The following ZNF600 variants were observed in gnomAD, a reference collection of about 807,000 sequenced individuals.
ZNF600 encodes the protein zinc finger protein 600.
Under a neutral mutation model 7.3 loss-of-function variants are expected in ZNF600, and 4 were observed. That is an observed-to-expected ratio of 0.55 (90% CI 0.27 to 1.25). The LOEUF (loss-of-function observed/expected upper bound fraction) is 1.25. Ranked by LOEUF, ZNF600 falls within the 50% of genes most tolerant of loss-of-function variation. The pLI is 0.12. For missense variants in ZNF600, 911 were observed against 922.1 expected (o/e 0.99, Z 0.16); for synonymous variants, 290 against 308.9 (o/e 0.94, Z 0.64).
exon 1 of ZNF600, chr19:52,786,779 C>T (rs1284918675): frequency 3.1e-5 from 9 of 289,300 alleles, no homozygotes; most frequent in Non-Finnish European, 5.8e-5. Flanking sequence ...CGGGTTTGTG[C>T]GCGCCCAGGA....
the ZNF600 span, among the ~76,000 whole-genome samples, chr19:52,816,043 G>A: frequency 6.8e-6 from 1 of 146,768 alleles, no homozygotes; most frequent in Non-Finnish European, 1.5e-5. Flanking sequence ...TACGAGACTC[G>A]CTCTGACAGC....
the ZNF600 span, chr19:52,797,992 T>C: frequency 0.9 from 136,333 of 152,292 alleles, 61,294 homozygotes; most frequent in African/African-American, 0.94. Flanking sequence ...TGTGGTGGCA[T>C]GCACCTGTAG....
exon 4 of ZNF600, chr19:52,766,390 T>C: frequency 6.2e-7 from 1 of 1,613,572 alleles, no homozygotes. Flanking sequence ...GTCTCAAGGG[T>C]TGATCCACAA....
chr19:52,775,617 T>TAC (rs113826799), intron 2 of ZNF600, among the ~76,000 whole-genome samples: 10,467 of 152,168 alleles, frequency 0.069, 1,118 homozygotes, highest in African/African-American at 0.23. Context: ...ATGTTCAACA[T>TAC]ACCAGGTGAT....
chr19:52,807,305 A>T, the ZNF600 span, among the ~76,000 whole-genome samples: 1 of 152,330 alleles, frequency 6.6e-6, no homozygotes, highest in South Asian at 2.1e-4. Flanking sequence ...AGATGAATCT[A>T]GGAAAATATT....
chr19:52,813,249 GAAAAAAAAAAA>G, the ZNF600 span, among the ~76,000 whole-genome samples: 2 of 62,984 alleles, frequency 3.2e-5, no homozygotes, highest in South Asian at 9.6e-4. Flanking sequence ...CTTGAATGGT[GAAAAAAAAAAA>G]AAAAAAAAAA....
At position 52,767,051 on chromosome 19, in the gene ZNF600, G is replaced by T; in HGVS notation, c.912C>A (p.Cys304Ter). ...TTACTGCAGTGTGAAGTCTACGATG[G>T]CATGTAAGGGATGATACCTGACTGA... Residue 304 changes from cysteine (C) to a stop codon, truncating the protein, a stop_gained, in exon 4 of 4, where the codon TGC (cysteine) becomes TGA (stop). Coordinates refer to ENST00000648973, the Ensembl canonical transcript of ZNF600. LOFTEE classifies it low-confidence loss of function (END_TRUNC). 1 of 1,614,004 alleles carries T rather than the reference G, an allele frequency of 6.2e-7. No individual in the cohort carries two copies. Among genetic ancestry groups the T allele is most frequent in the East Asian group, 2.2e-5 (1 of 44,864 alleles).
intron 3 of ZNF600, among the ~76,000 whole-genome samples, chr19:52,769,030 C>T (rs185170202): frequency 2.0e-4 from 30 of 152,290 alleles, no homozygotes; most frequent in African/African-American, 7.0e-4. Context: ...TATGCCCAGA[C>T]AGGGCCACCA....
chr19:52,810,914 C>T, the ZNF600 span, among the ~76,000 whole-genome samples: 1 of 103,310 alleles, frequency 9.7e-6, no homozygotes, highest in African/African-American at 4.2e-5. Flanking sequence ...TCTCCCTCTC[C>T]CTCCACAGTC....
At chr19:52,818,045 A>G in the ZNF600 span, 1 of 1,593,688 alleles carries the variant, frequency 6.3e-7, no homozygotes, top group East Asian at 2.2e-5. Context: ...AATGTTAAAA[A>G]TATGTTGTTT....
At chr19:52,793,446 C>G in the ZNF600 span, among the ~76,000 whole-genome samples, 1 of 152,192 alleles carries the variant, frequency 6.6e-6, no homozygotes, top group African/African-American at 2.4e-5. Flanking sequence ...GGCAGAGGGA[C>G]AGCTCAAGTG....
the ZNF600 span, among the ~76,000 whole-genome samples, chr19:52,828,961 C>G: frequency 6.6e-6 from 1 of 152,046 alleles, no homozygotes; most frequent in Non-Finnish European, 1.5e-5. Flanking sequence ...CCCAGATTCA[C>G]GCCATTCTCC....
At chr19:52,812,541 C>T in the ZNF600 span, among the ~76,000 whole-genome samples, 1 of 124,874 alleles carries the variant, frequency 8.0e-6, no homozygotes, top group Non-Finnish European at 1.7e-5. Flanking sequence ...GCAAGATGTG[C>T]TTTGTTAAAC....
chr19:52,797,116 C>T, the ZNF600 span, among the ~76,000 whole-genome samples: 1 of 152,192 alleles, frequency 6.6e-6, no homozygotes, highest in East Asian at 1.9e-4. Flanking sequence ...ACCACTTGAA[C>T]ATAATGAAAG....
the ZNF600 span, among the ~76,000 whole-genome samples, chr19:52,830,267 C>T: frequency 5.9e-5 from 9 of 152,018 alleles, no homozygotes; most frequent in South Asian, 1.5e-3. Context: ...AGCGAAACTC[C>T]ATCTCAAAAA....
At chr19:52,806,252 G>A in the ZNF600 span, among the ~76,000 whole-genome samples, 224 of 152,024 alleles carry the variant, frequency 1.5e-3, no homozygotes, top group East Asian at 9.3e-3. Flanking sequence ...GGAGTGCAAC[G>A]GTGCGATCTC....
intron 2 of ZNF600, among the ~76,000 whole-genome samples, chr19:52,776,615 T>A (rs11671849): frequency 2.0e-5 from 3 of 151,886 alleles, no homozygotes; most frequent in African/African-American, 4.8e-5. Flanking sequence ...TTTCACCATC[T>A]TAGCCAGGCT....
At chr19:52,811,362 G>A in the ZNF600 span, among the ~76,000 whole-genome samples, 2 of 147,646 alleles carry the variant, frequency 1.4e-5, no homozygotes, top group Non-Finnish European at 3.0e-5. Context: ...CATTGTCTGG[G>A]ATGTGAGGAG....
At chr19:52,802,853 C>T in the ZNF600 span, among the ~76,000 whole-genome samples, 22 of 150,232 alleles carry the variant, frequency 1.5e-4, no homozygotes, top group Middle Eastern at 3.4e-3. Context: ...CTCCACCTCC[C>T]GGGTTCACGC....
Sources: gnomAD v4.1 joint callset for allele counts (sites outside exome capture counted in the v4.1 genomes callset) on GRCh38, gnomAD v4.1.1 for gene constraint, MANE v1.5 for transcripts, NCBI Gene and HGNC (gene_info 2026-07-23, HGNC 2026-07-21) for gene names.